CASZ1: variants seen among roughly 807,000 people sequenced by gnomAD.
CASZ1 encodes castor zinc finger 1.
Under a neutral mutation model 135.2 loss-of-function variants are expected in CASZ1, and 28 were observed. That is an observed-to-expected ratio of 0.21 (90% CI 0.15 to 0.28). The LOEUF (loss-of-function observed/expected upper bound fraction) is 0.28. CASZ1 is among the 10% of genes least tolerant of loss of function. The pLI is 1.00. For missense variants in CASZ1, 2,161 were observed against 2,453.3 expected, an observed-to-expected ratio of 0.88 and a Z score of 2.52; for synonymous variants, 1,068 against 1,073.4, an observed-to-expected ratio of 0.99 and a Z score of 0.10.
At chr1:10,689,226 G>T (rs945828876) in intron 4 of CASZ1, among the ~76,000 whole-genome samples, 2 of 152,212 alleles carry the variant, frequency 1.3e-5, no homozygotes, top group African/African-American at 4.8e-5. Flanking sequence ...AGGAGTTGGG[G>T]CCAAGAGCCT....
chr1:10,746,337 A>G (rs1041794253), intron 2 of CASZ1, among the ~76,000 whole-genome samples: 8 of 152,252 alleles, frequency 5.3e-5, no homozygotes, highest in Non-Finnish European at 8.8e-5. Context: ...CCCCTGTTCC[A>G]TCGAAACTTA....
intron 4 of CASZ1, among the ~76,000 whole-genome samples, chr1:10,687,252 G>C (rs1638625098): frequency 6.6e-6 from 1 of 152,204 alleles, no homozygotes; most frequent in Admixed American, 6.5e-5. Context: ...GGAACACCTG[G>C]TCTCTGGAAA....
chr1:10,786,545 G>A (rs556809476), intron 1 of CASZ1, among the ~76,000 whole-genome samples: 1 of 152,264 alleles, frequency 6.6e-6, no homozygotes, highest in South Asian at 2.1e-4. Context: ...CTCCCGCATG[G>A]GTCTGTAACA....
At chr1:10,653,055 T>G in intron 11 of CASZ1, 6 of 389,376 alleles carry the variant, frequency 1.5e-5, no homozygotes, top group Non-Finnish European at 2.4e-5. Flanking sequence ...ACTTGGGATG[T>G]GGGAGGGTGA....
chr1:10,724,730 G>C lies in CASZ1; in HGVS notation c.-76-19186C>G, dbSNP rs1407764619. 6.6e-6 allele frequency among the ~76,000 whole-genome samples: 1 copy of C among 152,220 alleles called. No individual in the cohort carries two copies. Among genetic ancestry groups the C allele is most frequent in the Non-Finnish European group, 1.5e-5 (1 of 68,036 alleles). On this transcript the variant is annotated intron_variant, in intron 2 of 20. Coordinates refer to ENST00000377022, the MANE Select transcript of CASZ1 (RefSeq NM_001079843.3). The surrounding 1 kb of genome is among the most constrained non-coding windows in gnomAD (Gnocchi z 4.1). ...GCACCCCAAGGGCACTGCCCAGCCAGAGGCAGGGGCAAGGGCCCTGGGAGG... is the reference window on the plus strand; with the variant it reads ...GCACCCCAAGGGCACTGCCCAGCCACAGGCAGGGGCAAGGGCCCTGGGAGG...
chr1:10,653,759 T>C lies in CASZ1; in HGVS notation c.2298A>G (p.Lys766=). 1 of 1,607,230 alleles carries C rather than the reference T, an allele frequency of 6.2e-7. No homozygotes were observed. The highest frequency in any genetic ancestry group is 1.3e-5 in the African/African-American group (1 of 74,144). ...AATEAGPSAT[K]PPNSKISGLL... ...GCCCCGAGATCTTGCTGTTGGGAGGTTTGGTGGCACTGGGCCCAGCCTCGG... is the reference window on the plus strand; with the variant it reads ...GCCCCGAGATCTTGCTGTTGGGAGGCTTGGTGGCACTGGGCCCAGCCTCGG... Residue 766 remains lysine, a synonymous_variant, in exon 11 of 21, where the codon AAA becomes AAG. Coordinates refer to ENST00000377022, the MANE Select transcript of CASZ1 (RefSeq NM_001079843.3).
chr1:10,690,387 G>A (rs530337074), intron 4 of CASZ1, among the ~76,000 whole-genome samples: 55 of 152,302 alleles, frequency 3.6e-4, no homozygotes, highest in Admixed American at 9.1e-4. Context: ...CTTAGACACC[G>A]TCTAGAAGAA....
chr1:10,693,497 CAAA>C (rs1172496673), intron 4 of CASZ1, among the ~76,000 whole-genome samples: 60 of 23,276 alleles, frequency 2.6e-3, no homozygotes, highest in South Asian at 8.8e-3. Context: ...TTGCAGAGAA[CAAA>C]AAAAAAAAAA....
At chr1:10,732,630 G>A (rs1341887842) in intron 2 of CASZ1, among the ~76,000 whole-genome samples, 1 of 152,158 alleles carries the variant, frequency 6.6e-6, no homozygotes, top group African/African-American at 2.4e-5. Context: ...GCAGGATGGT[G>A]ACCCTGGGAT....
At chr1:10,787,481 T>C (rs920812324) in intron 1 of CASZ1, among the ~76,000 whole-genome samples, 1 of 152,118 alleles carries the variant, frequency 6.6e-6, no homozygotes, top group Non-Finnish European at 1.5e-5. Context: ...GGCCCTCACA[T>C]AGCGAGCGGC....
intron 1 of CASZ1, among the ~76,000 whole-genome samples, chr1:10,771,913 C>A (rs7556263): frequency 6.6e-6 from 1 of 152,174 alleles, no homozygotes; most frequent in African/African-American, 2.4e-5. Flanking sequence ...GCCCCTTGTC[C>A]CGTCCCAGCC....
chr1:10,714,827 A>C (rs1570515071), intron 2 of CASZ1, among the ~76,000 whole-genome samples: 2 of 151,220 alleles, frequency 1.3e-5, no homozygotes, highest in African/African-American at 4.9e-5. Flanking sequence ...AGTTTCCTCC[A>C]CCCTCTGCCC....
In CASZ1 at chr1:10,737,823, C is replaced by T. The variant is rs568987033; in HGVS notation, c.-77+22878G>A. On this transcript the variant is annotated intron_variant, in intron 2 of 20. Transcript: ENST00000377022. Reference sequence around the variant, plus strand: ...GGGCTGTGGATCAGCCCGGAGGCCCCGGCCCACTCCAGGCCTGCTCTTCCT... The same window carrying T: ...GGGCTGTGGATCAGCCCGGAGGCCCTGGCCCACTCCAGGCCTGCTCTTCCT... 3.9e-3 allele frequency among the ~76,000 whole-genome samples: 597 copies of T among 152,356 alleles called. 1 individual carries two copies. The highest frequency in any genetic ancestry group is 6.1e-3 in the Non-Finnish European group (414 of 68,026).
At position 10,653,568 on chromosome 1, in the gene CASZ1, G is replaced by A; in HGVS notation, c.2489C>T (p.Ala830Val). ...CGTGGGTGTGTCAGGGGTGGCTGAG[G>A]CTGCTGACCCAGACGACACGGCACC... is the stretch of plus-strand genomic sequence containing the variant. ...LLGAVSSGSA[A>V]SATPDTPTLV... Residue 830 changes from alanine to valine, a missense_variant, in exon 11 of 21, where the codon GCC (alanine) becomes GTC (valine). Physicochemically the swap from Ala to Val is moderately conservative, Grantham distance 64. This residue lies in a region of CASZ1 where 406 missense variants were observed against 387.6 expected (regional missense o/e 1.05). Coordinates refer to ENST00000377022, the MANE Select transcript of CASZ1 (RefSeq NM_001079843.3). 1 of 1,575,770 alleles carries A rather than the reference G, an allele frequency of 6.3e-7. No homozygotes were observed. The highest frequency in any genetic ancestry group is 1.7e-5 in the Admixed American group (1 of 57,290).
chr1:10,779,361 G>A (rs1247385340), intron 1 of CASZ1, among the ~76,000 whole-genome samples: 1 of 144,462 alleles, frequency 6.9e-6, no homozygotes, highest in African/African-American at 2.6e-5. Context: ...AGCACAACAC[G>A]AAGGCTGAGT....
In CASZ1 at chr1:10,679,467, G is replaced by A. The variant is rs901933906; in HGVS notation, c.17-13896C>T. ...TCATTGTTCACCATCAGGATGACTCGGGCCAGCTGTCTCGATGGTGCTACC... is the reference window on the plus strand; with the variant it reads ...TCATTGTTCACCATCAGGATGACTCAGGCCAGCTGTCTCGATGGTGCTACC... On this transcript the variant is annotated intron_variant, in intron 4 of 20. Coordinates refer to ENST00000377022, the MANE Select transcript of CASZ1 (RefSeq NM_001079843.3). The surrounding 1 kb of genome is among the most constrained non-coding windows in gnomAD (Gnocchi z 4.7). Among the ~76,000 whole-genome samples, 6 of 152,090 alleles carry A rather than the reference G, an allele frequency of 3.9e-5. No homozygotes were observed. The highest frequency in any genetic ancestry group is 7.2e-5 in the African/African-American group (3 of 41,400).
Position 10,646,676 on chromosome 1 carries a change from G to A in CASZ1, c.3498-350C>T, listed in dbSNP as rs537939753. 7.2e-5 allele frequency among the ~76,000 whole-genome samples: 11 copies of A among 152,378 alleles called. No homozygotes were observed. In the East Asian group the frequency reaches 1.9e-3, roughly 27 times the overall value. ...TCGGAAAATAAGGATGGTGCTGCCA[G>A]CCCTGGCGGGGTGCCGTGAGGCCCT... On this transcript the variant is annotated intron_variant, in intron 16 of 20. Transcript: ENST00000377022. The surrounding 1 kb of genome is among the most constrained non-coding windows in gnomAD (Gnocchi z 6.4).
In CASZ1 at chr1:10,707,241, T is replaced by A; in HGVS notation, c.-76-1697A>T. ...TCCACCACCTTTCTCTCCCCTCCCA[T>A]CCTCCCTGGCAACTGTGCATTTATT... On this transcript the variant is annotated intron_variant, in intron 2 of 20. Transcript: ENST00000377022. This position sits in a 1 kb window ranked among gnomAD's most constrained non-coding sequence, Gnocchi z 5.0. Among the ~76,000 whole-genome samples the A allele has an allele frequency of 6.6e-6, 1 of 152,046 alleles. No individual in the cohort carries two copies. The highest frequency in any genetic ancestry group is 1.9e-4 in the East Asian group (1 of 5,174).
rs1642388940 is a variant in CASZ1 at position 10,647,225 on chromosome 1, T to C, written c.3497+576A>G. 1 of 988,886 alleles carries C rather than the reference T, an allele frequency of 1.0e-6. No homozygotes were observed. The highest frequency in any genetic ancestry group is 5.7e-5 in the Admixed American group (1 of 17,470). The allele number at this position is 988,886 out of a possible 1,614,324, so 61.3% of individuals were successfully genotyped here. A position where few individuals can be genotyped will look rare whatever the true frequency, so the allele number is the denominator to read the frequency against. Reference sequence around the variant, plus strand: ...CACTCAGGCGATATAAATAATCCAATTTATTACTTTTATTGAGAACAGGAA... The same window carrying C: ...CACTCAGGCGATATAAATAATCCAACTTATTACTTTTATTGAGAACAGGAA... On this transcript the variant is annotated intron_variant, in intron 16 of 20. Transcript: ENST00000377022. This position sits in a 1 kb window ranked among gnomAD's most constrained non-coding sequence, Gnocchi z 4.9.
Sources: gnomAD v4.1 joint callset for allele counts (sites outside exome capture counted in the v4.1 genomes callset) on GRCh38, gnomAD v4.1.1 for gene constraint, gnomAD v4.1.1 regional missense constraint, Gnocchi (gnomAD v3.1) non-coding constraint, MANE v1.5 for transcripts, NCBI Gene and HGNC (gene_info 2026-07-23, HGNC 2026-07-21) for gene names.